Variants in OSBPL9 observed in about 807,000 individuals in gnomAD.
The protein encoded by OSBPL9 is oxysterol binding protein like 9.
A neutral mutation model predicts 106.6 loss-of-function variants in OSBPL9; 40 were observed. That is an observed-to-expected ratio of 0.38 (90% confidence interval 0.29 to 0.49). OSBPL9 has a LOEUF of 0.49. Among genes scored for constraint, OSBPL9 ranks in the 20% least tolerant of loss-of-function variants. The pLI, the probability that OSBPL9 is intolerant of heterozygous loss-of-function variation, is 0.97. For missense variants in OSBPL9, 609 were observed against 887.2 expected (o/e 0.69, Z 3.98); for synonymous variants, 269 against 295.4 (o/e 0.91, Z 0.92).
chr1:51,734,061 A>G (rs1382668609), intron 4 of OSBPL9, among the ~76,000 whole-genome samples: 1 of 152,200 alleles, frequency 6.6e-6, no homozygotes, highest in East Asian at 1.9e-4. Flanking sequence ...TTTGAAGATG[A>G]TGATAGTACC....
intron 1 of OSBPL9, among the ~76,000 whole-genome samples, chr1:51,590,619 CA>C (rs572208174): frequency 0.053 from 2,791 of 53,152 alleles, 24 homozygotes; most frequent in Non-Finnish European, 0.074. Flanking sequence ...GACTCCGTCT[CA>C]AAAAAAAAAA....
chr1:51,782,766 C>T, intron 17 of OSBPL9, 123 bp downstream of exon 17: 11 of 758,290 alleles, frequency 1.5e-5, no homozygotes, highest in Non-Finnish European at 2.3e-5. Context: ...TTCTTATTCC[C>T]TGAAGTGGAA....
intron 4 of OSBPL9, among the ~76,000 whole-genome samples, chr1:51,735,481 C>A (rs949483387): frequency 3.9e-5 from 6 of 152,192 alleles, no homozygotes; most frequent in Middle Eastern, 3.2e-3. Flanking sequence ...AAATCCTACA[C>A]TCTAAATTGC....
At chr1:51,619,331 A>G (rs1398868222) in intron 1 of OSBPL9, among the ~76,000 whole-genome samples, 21 of 152,118 alleles carry the variant, frequency 1.4e-4, no homozygotes, top group Non-Finnish European at 7.4e-5. Flanking sequence ...CCCAGAAAGA[A>G]TCTTCCTTTT....
At chr1:51,527,202 A>G in the OSBPL9 span, among the ~76,000 whole-genome samples, 1 of 152,144 alleles carries the variant, frequency 6.6e-6, no homozygotes, top group Non-Finnish European at 1.5e-5. Context: ...TTTGACCCTC[A>G]GTTTCATGCA....
chr1:51,626,264 T>C (rs1337950508), intron 1 of OSBPL9, among the ~76,000 whole-genome samples: 1 of 152,198 alleles, frequency 6.6e-6, no homozygotes, highest in East Asian at 1.9e-4. Flanking sequence ...TTCCTCTTTA[T>C]ACTTGCTTTT....
intron 1 of OSBPL9, among the ~76,000 whole-genome samples, chr1:51,578,274 G>A (rs184704711): frequency 6.6e-6 from 1 of 152,186 alleles, no homozygotes; most frequent in Admixed American, 6.5e-5. Flanking sequence ...TATAACTTTG[G>A]CCTTGAACTT....
the OSBPL9 span, chr1:51,566,469 G>T: frequency 1.3e-5 from 2 of 152,190 alleles, no homozygotes; most frequent in Non-Finnish European, 2.9e-5. Context: ...GCCACCTGCT[G>T]GTTGTCAATT....
chr1:51,719,896 C>A (rs1352576434), intron 4 of OSBPL9, among the ~76,000 whole-genome samples: 1 of 152,160 alleles, frequency 6.6e-6, no homozygotes, highest in Admixed American at 6.5e-5. Context: ...TCACTACTTA[C>A]AATGTGCAAA....
chr1:51,719,008 C>T (rs1661571343), intron 4 of OSBPL9, among the ~76,000 whole-genome samples: 1 of 152,164 alleles, frequency 6.6e-6, no homozygotes, highest in Non-Finnish European at 1.5e-5. Context: ...GCTAAACCTT[C>T]TGTAAGATGA....
chr1:51,527,230 A>G, the OSBPL9 span, among the ~76,000 whole-genome samples: 1 of 152,142 alleles, frequency 6.6e-6, no homozygotes, highest in African/African-American at 2.4e-5. Flanking sequence ...ATACAGAATG[A>G]GTAAAAGAAT....
intron 4 of OSBPL9, among the ~76,000 whole-genome samples, chr1:51,737,846 A>G (rs1666044272): frequency 1.3e-5 from 2 of 151,996 alleles, no homozygotes; most frequent in African/African-American, 4.8e-5. Flanking sequence ...TGCCTTTCAT[A>G]ACATTTGTGT....
chr1:51,587,426 T>C (rs1475104103), intron 1 of OSBPL9, among the ~76,000 whole-genome samples: 1 of 152,244 alleles, frequency 6.6e-6, no homozygotes, highest in Non-Finnish European at 1.5e-5. Flanking sequence ...CCCACCTCCA[T>C]GACCATGGCC....
At chr1:51,631,449 G>A (rs1220065123) in intron 1 of OSBPL9, among the ~76,000 whole-genome samples, 1 of 152,024 alleles carries the variant, frequency 6.6e-6, no homozygotes, top group African/African-American at 2.4e-5. Context: ...GCTGAGGCAG[G>A]AAGATCGCTT....
chr1:51,670,024 CA>C (rs1295850828), intron 3 of OSBPL9, among the ~76,000 whole-genome samples: 1 of 152,172 alleles, frequency 6.6e-6, no homozygotes, highest in African/African-American at 2.4e-5. Flanking sequence ...TTTTGTTTGC[CA>C]GCCATCATTT....
At chr1:51,601,634 T>A (rs1332621122) in intron 2 of OSBPL9, among the ~76,000 whole-genome samples, 2 of 152,226 alleles carry the variant, frequency 1.3e-5, no homozygotes, top group East Asian at 3.8e-4. Context: ...CTGTTTCTAG[T>A]AGCTACTCTA....
At chr1:51,665,717 G>A (rs77152408) in intron 2 of OSBPL9, among the ~76,000 whole-genome samples, 1 of 152,126 alleles carries the variant, frequency 6.6e-6, no homozygotes, top group Non-Finnish European at 1.5e-5. Flanking sequence ...AGCTAGGTTC[G>A]AGTCTTCAAA....
intron 14 of OSBPL9, among the ~76,000 whole-genome samples, chr1:51,773,663 G>T (rs919058928): frequency 6.6e-6 from 1 of 152,136 alleles, no homozygotes; most frequent in Non-Finnish European, 1.5e-5. Flanking sequence ...ACTTTTGTTA[G>T]GGCAAAATCA....
chr1:51,687,351 A>G (rs944261026), intron 3 of OSBPL9, among the ~76,000 whole-genome samples: 8 of 152,254 alleles, frequency 5.3e-5, no homozygotes, highest in African/African-American at 1.9e-4. Context: ...AACCCAAAAG[A>G]TAACTATAAG....
Sources: gnomAD v4.1 joint callset for allele counts (sites outside exome capture counted in the v4.1 genomes callset) on GRCh38, gnomAD v4.1.1 for gene constraint, MANE v1.5 for transcripts, NCBI Gene and HGNC (gene_info 2026-07-23, HGNC 2026-07-21) for gene names.